The following FAM110B variants were observed in gnomAD, a reference collection of about 807,000 sequenced individuals.
The protein encoded by FAM110B is family with sequence similarity 110 member B.
A neutral mutation model predicts 20.4 loss-of-function variants in FAM110B; 6 were observed. The observed-to-expected ratio is 0.29, with a 90% CI of 0.16 to 0.58. The LOEUF (loss-of-function observed/expected upper bound fraction) is 0.58. Among genes scored for constraint, FAM110B ranks in the 20% least tolerant of loss-of-function variants. FAM110B has a pLI of 0.90. For missense variants in FAM110B, 434 were observed against 498.2 expected, an observed-to-expected ratio of 0.87 and a Z score of 1.23; for synonymous variants, 226 against 214.1, an observed-to-expected ratio of 1.06 and a Z score of -0.49.
At chr8:57,998,762 A>G (rs577841522) in intron 1 of FAM110B, among the ~76,000 whole-genome samples, 106 of 152,336 alleles carry the variant, frequency 7.0e-4, no homozygotes, top group Non-Finnish European at 4.1e-4. Context: ...GTGAATGTTA[A>G]CATCCAAACG....
rs143764967 is a variant in FAM110B at position 57,999,700 on chromosome 8, C to T, written c.-512+4894C>T. 8.6e-3 allele frequency among the ~76,000 whole-genome samples: 1,309 copies of T among 152,268 alleles called. 14 individuals carry two copies. Among genetic ancestry groups the T allele is most frequent in the Non-Finnish European group, 0.012 (844 of 68,018 alleles). Reference sequence around the variant, plus strand: ...GTCAGGAAAGACAAGGTTCCTTCCTCTTTGAGGCTTTATTGTGTAAAGTGG... The same window carrying T: ...GTCAGGAAAGACAAGGTTCCTTCCTTTTTGAGGCTTTATTGTGTAAAGTGG... On this transcript the variant is annotated intron_variant, in intron 1 of 3. Coordinates refer to ENST00000519262, the MANE Select transcript of FAM110B (RefSeq NM_001377989.1).
rs59489059 is a variant in FAM110B at position 58,133,205 on chromosome 8, GT to G, written c.-324-12688del. Among the ~76,000 whole-genome samples, 504 of 140,116 alleles carry G rather than the reference GT, an allele frequency of 3.6e-3. 1 individual carries two copies. Among genetic ancestry groups the G allele is most frequent in the East Asian group, 0.035 (169 of 4,800 alleles). 91.9% of individuals were successfully genotyped at this position (140,116 alleles called of 152,430 possible). Reference sequence around the variant, plus strand: ...GAGCCTCTTAAGTGAGCTCGATTTTGTTTTTTTTTTTTTTCTTTTTGATAGC... The same window carrying G: ...GAGCCTCTTAAGTGAGCTCGATTTTGTTTTTTTTTTTTTCTTTTTGATAGC... On this transcript the variant is annotated intron_variant, in intron 3 of 3. Coordinates refer to ENST00000519262, the MANE Select transcript of FAM110B (RefSeq NM_001377989.1).
chr8:58,092,353 G>A (rs1321540785), intron 3 of FAM110B, among the ~76,000 whole-genome samples: 5 of 151,946 alleles, frequency 3.3e-5, no homozygotes, highest in Admixed American at 1.3e-4. Flanking sequence ...CCATCAACCC[G>A]TCATCTACAT....
chr8:58,078,465 A>G (rs1450818327), intron 3 of FAM110B, among the ~76,000 whole-genome samples: 1 of 150,440 alleles, frequency 6.6e-6, no homozygotes, highest in Non-Finnish European at 1.5e-5. Flanking sequence ...GTTTCTTGTT[A>G]TCTTATTCAA....
chr8:58,037,790 T>G (rs540164217), intron 2 of FAM110B, among the ~76,000 whole-genome samples: 1 of 152,340 alleles, frequency 6.6e-6, no homozygotes, highest in South Asian at 2.1e-4. Flanking sequence ...TTCTGACTTG[T>G]TTCCTAACTT....
At chr8:58,132,870 T>C (rs1803510636) in intron 3 of FAM110B, among the ~76,000 whole-genome samples, 1 of 152,214 alleles carries the variant, frequency 6.6e-6, no homozygotes. Flanking sequence ...ACAAGAAAGC[T>C]AGAGACTGAG....
At chr8:58,082,538 G>A (rs1260729972) in intron 3 of FAM110B, among the ~76,000 whole-genome samples, 1 of 152,180 alleles carries the variant, frequency 6.6e-6, no homozygotes, top group Admixed American at 6.5e-5. Flanking sequence ...GGACATTAAA[G>A]GCACTTGTGA....
chr8:58,025,205 A>G (rs73681746), intron 1 of FAM110B, among the ~76,000 whole-genome samples: 2,889 of 152,286 alleles, frequency 0.019, 98 homozygotes, highest in African/African-American at 0.063. Context: ...GAGATGAGCA[A>G]GGCACCATGG....
At chr8:58,083,315 A>G (rs966102909) in intron 3 of FAM110B, among the ~76,000 whole-genome samples, 1 of 152,202 alleles carries the variant, frequency 6.6e-6, no homozygotes, top group Non-Finnish European at 1.5e-5. Context: ...GTTTAGTTGT[A>G]GTTGAACATT....
chr8:58,141,436 G>C (rs1455652854), intron 3 of FAM110B, among the ~76,000 whole-genome samples: 1 of 152,170 alleles, frequency 6.6e-6, no homozygotes, highest in Non-Finnish European at 1.5e-5. Context: ...AAGACACTTA[G>C]ATGTTAGGTG....
At chr8:58,073,437 G>A (rs1172899172) in intron 2 of FAM110B, among the ~76,000 whole-genome samples, 1 of 152,140 alleles carries the variant, frequency 6.6e-6, no homozygotes, top group Non-Finnish European at 1.5e-5. Context: ...TCAGCATTAA[G>A]TTGAAGCTGG....
At chr8:58,053,647 C>T (rs1023995984) in intron 2 of FAM110B, among the ~76,000 whole-genome samples, 14 of 152,128 alleles carry the variant, frequency 9.2e-5, no homozygotes, top group African/African-American at 3.1e-4. Flanking sequence ...TATAGATAGG[C>T]AAGAAAAATA....
intron 2 of FAM110B, among the ~76,000 whole-genome samples, chr8:58,045,716 A>G (rs1201071733): frequency 6.6e-6 from 1 of 152,242 alleles, no homozygotes; most frequent in Non-Finnish European, 1.5e-5. Flanking sequence ...CAGACCAAGG[A>G]GGATTTTCAT....
rs192456638 is a variant in FAM110B at position 58,027,693 on chromosome 8, T to C, written c.-511-3913T>C. On this transcript the variant is annotated intron_variant, in intron 1 of 3. Transcript: ENST00000519262. ...CTAAAATTTCATATAAATGCGATCA[T>C]ACGTGTAGTCTTTTGTGTTTGGCTT... Among the ~76,000 whole-genome samples, 319 of 152,344 alleles carry C rather than the reference T, an allele frequency of 2.1e-3. 1 individual carries two copies. Among genetic ancestry groups the C allele is most frequent in the Non-Finnish European group, 3.9e-3 (267 of 68,038 alleles).
At chr8:58,114,027 T>C (rs1807132275) in intron 3 of FAM110B, among the ~76,000 whole-genome samples, 2 of 152,236 alleles carry the variant, frequency 1.3e-5, no homozygotes, top group African/African-American at 4.8e-5. Flanking sequence ...GCCATTGTCA[T>C]CTGCACATTT....
At chr8:58,099,697 T>C (rs569063752) in intron 3 of FAM110B, among the ~76,000 whole-genome samples, 62 of 152,078 alleles carry the variant, frequency 4.1e-4, no homozygotes, top group African/African-American at 1.4e-3. Context: ...TAAATAGATA[T>C]ACGGATATGA....
At chr8:58,055,798 T>C (rs892584645) in intron 2 of FAM110B, among the ~76,000 whole-genome samples, 4 of 152,376 alleles carry the variant, frequency 2.6e-5, no homozygotes, top group Middle Eastern at 3.4e-3. Flanking sequence ...CACCTGTTCA[T>C]GTGCTCTATG....
intron 3 of FAM110B, among the ~76,000 whole-genome samples, chr8:58,093,746 C>T (rs191590855): frequency 3.3e-5 from 5 of 152,174 alleles, no homozygotes; most frequent in South Asian, 2.1e-4. Context: ...TTTTTGGTTC[C>T]GTATGAAATT....
chr8:58,044,266 C>A (rs1385268043), intron 2 of FAM110B, among the ~76,000 whole-genome samples: 1 of 152,198 alleles, frequency 6.6e-6, no homozygotes, highest in Non-Finnish European at 1.5e-5. Context: ...GTCATGATGA[C>A]CCCTGAGATT....
Sources: gnomAD v4.1 joint callset for allele counts (sites outside exome capture counted in the v4.1 genomes callset) on GRCh38, gnomAD v4.1.1 for gene constraint, MANE v1.5 for transcripts, NCBI Gene and HGNC (gene_info 2026-07-23, HGNC 2026-07-21) for gene names.